Variants in ARHGAP22 observed in about 807,000 individuals in gnomAD.
ARHGAP22 encodes rho GTPase-activating protein 22.
In ARHGAP22, 48 loss-of-function variants were observed where a neutral mutation model predicts 59.1. That is an observed-to-expected ratio of 0.81 (90% CI 0.64 to 1.03). ARHGAP22 has a LOEUF of 1.03. Ranked by LOEUF, ARHGAP22 falls within the 50% of genes least tolerant of loss-of-function variation. The pLI, the probability that ARHGAP22 is intolerant of heterozygous loss-of-function variation, is 0.00. For synonymous variants in ARHGAP22, 445 were observed against 416.4 expected (o/e 1.07, Z -0.84); for missense variants, 1,015 against 958.7 (o/e 1.06, Z -0.78).
chr10:48,492,064 G>A (rs1259994546), intron 3 of ARHGAP22, among the ~76,000 whole-genome samples: 1 of 152,114 alleles, frequency 6.6e-6, no homozygotes, highest in African/African-American at 2.4e-5. Context: ...TGCAGGGGTC[G>A]CAGGACAAGA....
chr10:48,557,400 G>A (rs577292094), intron 2 of ARHGAP22, among the ~76,000 whole-genome samples: 8 of 152,340 alleles, frequency 5.3e-5, no homozygotes, highest in African/African-American at 1.9e-4. Flanking sequence ...TGGAAAAGCA[G>A]TAATAGCTTC....
rs1867585 is a variant in ARHGAP22, at chr10:48,450,205, G to C, written c.1868+56C>G. On this transcript the variant is annotated intron_variant, in intron 9 of 9. Coordinates refer to ENST00000249601, the MANE Select transcript of ARHGAP22 (RefSeq NM_021226.4). ...GCCGACGCCCATGTGCCAAGAGCAC[G>C]GCTCTCCCTGCAGGCTCCGCCCCGT... 1,471 of 1,574,768 alleles carry C rather than the reference G, an allele frequency of 9.3e-4. 15 individuals are homozygous for C. In the African/African-American group the frequency reaches 0.016, roughly 17 times the overall value.
At chr10:48,636,769 C>T (rs763756181) in intron 1 of ARHGAP22, among the ~76,000 whole-genome samples, 7 of 152,122 alleles carry the variant, frequency 4.6e-5, no homozygotes, top group Admixed American at 6.5e-5. Flanking sequence ...AAAGAGGCCA[C>T]GAAGTGGGCA....
In ARHGAP22 at chr10:48,636,954, C is replaced by T. The variant is rs375016952; in HGVS notation, c.52+15280G>A. Among the ~76,000 whole-genome samples, 103 of 152,290 alleles carry T rather than the reference C, an allele frequency of 6.8e-4. 2 individuals are homozygous for T. The highest frequency in any genetic ancestry group is 1.2e-3 in the African/African-American group (51 of 41,568). On this transcript the variant is annotated intron_variant, in intron 1 of 9. Transcript: ENST00000435790. ...GGGCAGAAGACATATCAGGGAGGGCCGGAGTCTGAGAGGCTTTCTCATGAT... is the reference window on the plus strand; with the variant it reads ...GGGCAGAAGACATATCAGGGAGGGCTGGAGTCTGAGAGGCTTTCTCATGAT...
intron 3 of ARHGAP22, among the ~76,000 whole-genome samples, chr10:48,549,089 G>A (rs1460736961): frequency 6.6e-6 from 1 of 152,208 alleles, no homozygotes; most frequent in Non-Finnish European, 1.5e-5. Context: ...TCCTTAGAAG[G>A]AACTCAGTGA....
chr10:48,610,279 C>T (rs61838390), intron 1 of ARHGAP22, among the ~76,000 whole-genome samples: 11,059 of 152,234 alleles, frequency 0.073, 544 homozygotes, highest in South Asian at 0.1. Flanking sequence ...GGATCCTGAA[C>T]AGAAGGACAA....
chr10:48,591,189 G>A (rs1224305548), intron 1 of ARHGAP22, among the ~76,000 whole-genome samples: 3 of 152,204 alleles, frequency 2.0e-5, no homozygotes, highest in Non-Finnish European at 4.4e-5. Context: ...GTGACTGCGA[G>A]CCCGCAGACT....
intron 3 of ARHGAP22, chr10:48,524,124 G>T (rs2134795304): frequency 7.6e-7 from 1 of 1,323,556 alleles, no homozygotes; most frequent in Non-Finnish European, 9.7e-7. Context: ...CCGCGGCCCC[G>T]CCGCTCGGCT....
chr10:48,654,696 T>C (rs2062688605), upstream of ARHGAP22, among the ~76,000 whole-genome samples: 1 of 151,946 alleles, frequency 6.6e-6, no homozygotes, highest in Admixed American at 6.6e-5. Context: ...AAGTGTGTGC[T>C]GTATGAGAGG....
intron 4 of ARHGAP22, among the ~76,000 whole-genome samples, chr10:48,473,919 G>A (rs746568620): frequency 4.6e-5 from 7 of 152,164 alleles, no homozygotes; most frequent in Non-Finnish European, 7.3e-5. Flanking sequence ...CTGGGGACCC[G>A]GTGACTATTG....
chr10:48,592,219 C>T (rs887605711), intron 1 of ARHGAP22, among the ~76,000 whole-genome samples: 2 of 152,192 alleles, frequency 1.3e-5, no homozygotes, highest in African/African-American at 4.8e-5. Context: ...AGTCTCACCA[C>T]TACATTGCCT....
chr10:48,652,986 C>G (rs929066645), upstream of ARHGAP22, among the ~76,000 whole-genome samples: 2 of 152,150 alleles, frequency 1.3e-5, no homozygotes, highest in Non-Finnish European at 2.9e-5. Context: ...AGAAAAATCC[C>G]AATTATGAAA....
At chr10:48,640,828 C>T (rs914638053) in intron 1 of ARHGAP22, among the ~76,000 whole-genome samples, 25 of 152,070 alleles carry the variant, frequency 1.6e-4, no homozygotes, top group Admixed American at 1.4e-3. Context: ...TATGAAGGTC[C>T]CATAAATTTA....
chr10:48,654,871 CT>C (rs1171713395), upstream of ARHGAP22, among the ~76,000 whole-genome samples: 2 of 142,162 alleles, frequency 1.4e-5, no homozygotes, highest in Non-Finnish European at 3.0e-5. Flanking sequence ...TTCTTTCCTT[CT>C]TTCTTTCTTT....
intron 1 of ARHGAP22, among the ~76,000 whole-genome samples, chr10:48,644,803 C>A (rs186215847): frequency 1.3e-5 from 2 of 151,752 alleles, no homozygotes; most frequent in Non-Finnish European, 2.9e-5. Context: ...GCTTTAAATG[C>A]GTATATCAGA....
intron 3 of ARHGAP22, among the ~76,000 whole-genome samples, chr10:48,521,703 T>C (rs11101365): frequency 0.36 from 54,956 of 152,210 alleles, 12,019 homozygotes; most frequent in Middle Eastern, 0.54. Context: ...CATGGATACA[T>C]ACACAGACAT....
chr10:48,604,878 C>T lies in ARHGAP22; in HGVS notation c.-82G>A. The T allele has an allele frequency of 3.1e-6, 5 of 1,605,182 alleles. No individual in the cohort carries two copies. The highest frequency in any genetic ancestry group is 4.2e-6 in the Non-Finnish European group (5 of 1,176,670). ...TTTTGCTCGTCCTCGCGCCTAGTCG[C>T]CCCTCATGTCCTGCTCGTTCGGGGC... is the stretch of plus-strand genomic sequence containing the variant. On this transcript the variant is annotated 5_prime_UTR_variant, in exon 1 of 10. Coordinates refer to ENST00000249601, the MANE Select transcript of ARHGAP22 (RefSeq NM_021226.4).
intron 3 of ARHGAP22, among the ~76,000 whole-genome samples, chr10:48,517,636 A>G (rs1244968641): frequency 2.0e-5 from 3 of 151,848 alleles, no homozygotes; most frequent in Non-Finnish European, 2.9e-5. Flanking sequence ...ATGAGAGCCA[A>G]CCCCCTAACC....
chr10:48,596,200 C>T (rs1223281247), intron 1 of ARHGAP22, among the ~76,000 whole-genome samples: 1 of 152,216 alleles, frequency 6.6e-6, no homozygotes, highest in Admixed American at 6.5e-5. Flanking sequence ...CTCTTTACTT[C>T]CATGCAGGAT....
Sources: gnomAD v4.1 joint callset for allele counts (sites outside exome capture counted in the v4.1 genomes callset) on GRCh38, gnomAD v4.1.1 for gene constraint, MANE v1.5 for transcripts, NCBI Gene and HGNC (gene_info 2026-07-23, HGNC 2026-07-21) for gene names.